Variants in PRKCE observed in about 807,000 individuals in gnomAD.
The protein encoded by PRKCE is protein kinase C epsilon type.
PRKCE carries 16 observed loss-of-function variants against 85.4 expected under a neutral mutation model. That is an observed-to-expected ratio of 0.19 (90% CI 0.13 to 0.28). The LOEUF (loss-of-function observed/expected upper bound fraction) is 0.28. Ranked by LOEUF, PRKCE falls within the 10% of genes least tolerant of loss-of-function variation. The pLI is 1.00. For synonymous variants in PRKCE, 388 were observed against 371.5 expected, an observed-to-expected ratio of 1.04 and a Z score of -0.51; for missense variants, 573 against 975.2, an observed-to-expected ratio of 0.59 and a Z score of 5.49.
intron 1 of PRKCE, among the ~76,000 whole-genome samples, chr2:45,758,941 C>A (rs1246080302): frequency 6.6e-6 from 1 of 152,118 alleles, no homozygotes; most frequent in Non-Finnish European, 1.5e-5. Context: ...GGCGTGTTGT[C>A]TTGAACAAGG....
intron 13 of PRKCE, among the ~76,000 whole-genome samples, chr2:46,154,823 C>G (rs1677041370): frequency 1.3e-5 from 2 of 151,514 alleles, no homozygotes; most frequent in African/African-American, 2.4e-5. Flanking sequence ...GCAGTTTCCA[C>G]TTTCTAACCC....
intron 1 of PRKCE, among the ~76,000 whole-genome samples, chr2:45,799,835 G>A (rs1030235661): frequency 6.6e-6 from 1 of 152,232 alleles, no homozygotes; most frequent in African/African-American, 2.4e-5. Context: ...TCAGGACCCA[G>A]TCTAGGGTCA....
At chr2:45,898,864 C>T (rs540137652) in intron 2 of PRKCE, among the ~76,000 whole-genome samples, 3 of 152,156 alleles carry the variant, frequency 2.0e-5, no homozygotes, top group African/African-American at 7.2e-5. Context: ...TGTGAAGGAC[C>T]CCTGTCTTGG....
chr2:46,026,199 A>T (rs555090941), intron 10 of PRKCE, among the ~76,000 whole-genome samples: 1 of 152,338 alleles, frequency 6.6e-6, no homozygotes, highest in African/African-American at 2.4e-5. Flanking sequence ...CATGGGAGTA[A>T]AAAGCGCAGT....
chr2:45,770,030 C>T (rs1685190741), intron 1 of PRKCE, among the ~76,000 whole-genome samples: 1 of 152,254 alleles, frequency 6.6e-6, no homozygotes, highest in South Asian at 2.1e-4. Flanking sequence ...ACAGCCATCA[C>T]ACAGGATTTG....
intron 1 of PRKCE, among the ~76,000 whole-genome samples, chr2:45,668,728 A>T (rs929093873): frequency 2.4e-4 from 37 of 152,196 alleles, no homozygotes; most frequent in African/African-American, 8.4e-4. Context: ...CAGCTTCCTC[A>T]GCTGTAAAAT....
At chr2:45,702,834 C>G (rs1024431851) in intron 1 of PRKCE, among the ~76,000 whole-genome samples, 1 of 152,130 alleles carries the variant, frequency 6.6e-6, no homozygotes, top group Admixed American at 6.5e-5. Flanking sequence ...TACAAGGAGC[C>G]ATTTGAACAC....
chr2:45,665,249 C>T (rs746394813), intron 1 of PRKCE, among the ~76,000 whole-genome samples: 3 of 152,144 alleles, frequency 2.0e-5, no homozygotes, highest in African/African-American at 7.2e-5. Flanking sequence ...TCTTTGCAAC[C>T]ATAGAAATCC....
intron 6 of PRKCE, among the ~76,000 whole-genome samples, chr2:45,991,640 G>C (rs565033576): frequency 6.6e-6 from 1 of 152,274 alleles, no homozygotes; most frequent in South Asian, 2.1e-4. Flanking sequence ...AATTTATGCT[G>C]TCACAGACAT....
At chr2:45,937,487 C>T (rs569097178) in intron 2 of PRKCE, among the ~76,000 whole-genome samples, 16 of 152,240 alleles carry the variant, frequency 1.1e-4, no homozygotes, top group East Asian at 3.9e-4. Flanking sequence ...CTCAGGCGCG[C>T]GGATCACGAG....
chr2:45,973,744 A>G (rs907259807), intron 2 of PRKCE, among the ~76,000 whole-genome samples: 1 of 152,238 alleles, frequency 6.6e-6, no homozygotes, highest in African/African-American at 2.4e-5. Context: ...AACACAGTTT[A>G]GAACGATTGG....
intron 1 of PRKCE, among the ~76,000 whole-genome samples, chr2:45,828,679 A>G (rs1455524771): frequency 6.6e-6 from 1 of 152,192 alleles, no homozygotes; most frequent in Non-Finnish European, 1.5e-5. Flanking sequence ...TTACTCAGGT[A>G]CTTTAATGGA....
intron 14 of PRKCE, among the ~76,000 whole-genome samples, chr2:46,174,302 G>A (rs1037993107): frequency 2.2e-4 from 33 of 152,336 alleles, no homozygotes; most frequent in African/African-American, 6.7e-4. Context: ...CTGTGCCATC[G>A]TGCTTAAAAA....
rs904224274 is a variant in PRKCE, at chr2:45,880,019, T to G, written c.412+36956T>G. Among the ~76,000 whole-genome samples, 11 of 152,244 alleles carry G rather than the reference T, an allele frequency of 7.2e-5. No individual in the cohort carries two copies. In the Middle Eastern group the frequency reaches 0.017, roughly 235 times the overall value. On this transcript the variant is annotated intron_variant, in intron 2 of 14. Coordinates refer to ENST00000306156, the MANE Select transcript of PRKCE (RefSeq NM_005400.3). ...CTTTAACAAATCTCTTCCAAAACCC[T>G]CTTTCCCTTACCCTTCCCAGTATCT... is the stretch of plus-strand genomic sequence containing the variant.
chr2:46,099,530 C>T (rs3754574), intron 11 of PRKCE, among the ~76,000 whole-genome samples: 39,924 of 151,110 alleles, frequency 0.26, 5,518 homozygotes, highest in South Asian at 0.41. Context: ...AACTTTTCAT[C>T]CTTTGAGATT....
chr2:45,728,347 G>T (rs1334108557), intron 1 of PRKCE, among the ~76,000 whole-genome samples: 1 of 151,972 alleles, frequency 6.6e-6, no homozygotes. Flanking sequence ...ATACCTAGAA[G>T]GCCAGAAACA....
intron 1 of PRKCE, among the ~76,000 whole-genome samples, chr2:45,709,093 T>G (rs1445162458): frequency 6.6e-6 from 1 of 152,230 alleles, no homozygotes; most frequent in Non-Finnish European, 1.5e-5. Flanking sequence ...TTTGTGGAAC[T>G]TACTGGCGCT....
intron 2 of PRKCE, among the ~76,000 whole-genome samples, chr2:45,882,329 A>T (rs567437072): frequency 1.3e-5 from 2 of 152,258 alleles, no homozygotes; most frequent in African/African-American, 4.8e-5. Flanking sequence ...GTAGCCATGT[A>T]GTTCTGCATG....
chr2:46,125,835 G>C (rs1673794274), intron 11 of PRKCE, among the ~76,000 whole-genome samples: 1 of 152,176 alleles, frequency 6.6e-6, no homozygotes, highest in African/African-American at 2.4e-5. Context: ...AAAGTCCATT[G>C]CATACATGAT....
Sources: allele counts gnomAD v4.1 joint callset (sites outside exome capture counted in the v4.1 genomes callset), GRCh38; gene constraint gnomAD v4.1.1; transcripts MANE v1.5; gene names NCBI Gene and HGNC (gene_info 2026-07-23, HGNC 2026-07-21).